Variants in HARBI1 observed in about 807,000 individuals in gnomAD.
The protein encoded by HARBI1 is putative nuclease HARBI1.
A neutral mutation model predicts 25.3 loss-of-function variants in HARBI1; 15 were observed. That is an observed-to-expected ratio of 0.59 (90% CI 0.40 to 0.91). The LOEUF (loss-of-function observed/expected upper bound fraction) is 0.91, where lower values mean the gene tolerates loss of function less well. HARBI1 is among the 40% of genes least tolerant of loss of function. The pLI, the probability that HARBI1 is intolerant of heterozygous loss-of-function variation, is 0.00. For missense variants in HARBI1, 396 were observed against 445.8 expected (o/e 0.89, Z 1.01); for synonymous variants, 168 against 160.5 (o/e 1.05, Z -0.35).
chr11:46,610,960 A>C (rs2045156083), intron 2 of HARBI1, among the ~76,000 whole-genome samples: 1 of 150,840 alleles, frequency 6.6e-6, no homozygotes, highest in Admixed American at 6.6e-5. Flanking sequence ...TATGTGCCTC[A>C]GTCTCCTCTT....
chr11:46,605,167 A>T (rs186367336), intron 2 of HARBI1, among the ~76,000 whole-genome samples: 56 of 152,320 alleles, frequency 3.7e-4, no homozygotes, highest in African/African-American at 1.2e-3. Context: ...CTGTTCAGAC[A>T]GTGGTAGGCA....
At chr11:46,612,030 G>C (rs995488944) in intron 2 of HARBI1, among the ~76,000 whole-genome samples, 5 of 152,172 alleles carry the variant, frequency 3.3e-5, no homozygotes. Flanking sequence ...ACCCATCAGT[G>C]TAGTCTTTGC....
chr11:46,603,745 C>A lies in HARBI1; in HGVS notation c.835G>T (p.Gly279Trp), dbSNP rs1389127944. 3 of 1,614,154 alleles carry A rather than the reference C, an allele frequency of 1.9e-6. No homozygotes were observed. In the South Asian group the frequency reaches 3.3e-5, roughly 18 times the overall value. ...TTCTCTGGTGAGTACTGCAGTGCCC[C>A]CTTGGATCCATCCAGGCAGCGGAAT... ...SRFRCLDGSKGALQYSPEKSS... is the reference protein window; with the variant it reads ...SRFRCLDGSKWALQYSPEKSS... Residue 279 changes from glycine (G) to tryptophan (W), a missense_variant, in exon 3 of 3, where the codon GGG becomes TGG. By Grantham distance (184) the Gly-to-Trp change is radical. Transcript: ENST00000326737.
intron 2 of HARBI1, among the ~76,000 whole-genome samples, chr11:46,613,486 T>C (rs1180914904): frequency 6.8e-6 from 1 of 147,982 alleles, no homozygotes. Context: ...TGGCTTTTTT[T>C]TTTTTTTTTT....
rs749013239 is a variant in HARBI1 at position 46,616,831 on chromosome 11, C to CAAAAAAAAAAAAA, written c.-145+280_-145+292dup. On this transcript the variant is annotated intron_variant, in intron 1 of 2. Coordinates refer to ENST00000326737, the MANE Select transcript of HARBI1 (RefSeq NM_173811.4). ...ACCAGTCTAACAAGAAAAGAAGGGG[C>CAAAAAAAAAAAAA]AAAAAAAAAAAAAAAAAAAAAAAAA... is the stretch of plus-strand genomic sequence containing the variant. The CAAAAAAAAAAAAA allele has an allele frequency of 7.2e-3, 4,350 of 604,082 alleles. 4 individuals carry two copies. Among genetic ancestry groups the CAAAAAAAAAAAAA allele is most frequent in the Non-Finnish European group, 7.3e-3 (3,980 of 545,394 alleles). The allele number at this position is 604,082 out of a possible 1,614,324, so 37.4% of individuals were successfully genotyped here. A position where few individuals can be genotyped will look rare whatever the true frequency, so the allele number is the denominator to read the frequency against.
In HARBI1 at chr11:46,612,954, G is replaced by A. The variant is rs994374922; in HGVS notation, c.670+2614C>T. Among the ~76,000 whole-genome samples the A allele has an allele frequency of 2.2e-5, 3 of 138,818 alleles. No individual in the cohort carries two copies. In the Admixed American group the frequency reaches 2.3e-4, roughly 11 times the overall value. The allele number at this position is 138,818 out of a possible 152,430, so 91.1% of individuals were successfully genotyped here. A position where few individuals can be genotyped will look rare whatever the true frequency, so the allele number is the denominator to read the frequency against. ...CCAAAAGTGCTGGGATTATAGGCAT[G>A]AGCCACCACACCCGGATTTTTTTTT... On this transcript the variant is annotated intron_variant, in intron 2 of 2. Transcript: ENST00000326737.
At chr11:46,616,896 A>G in intron 1 of HARBI1, 1 of 982,114 alleles carries the variant, frequency 1.0e-6, no homozygotes, top group Non-Finnish European at 1.2e-6. Context: ...TTATGGACGT[A>G]CACTGTGTGC....
chr11:46,617,655 A>G (rs1257875168), upstream of HARBI1: 1 of 338,964 alleles, frequency 3.0e-6, no homozygotes, highest in Non-Finnish European at 5.2e-6. Context: ...CCAGTGAGGG[A>G]AGCACTGAAG....
At position 46,603,551 on chromosome 11, in the gene HARBI1, T is replaced by C; in HGVS notation, c.1029A>G (p.Leu343=). ...TACATTAGCTAAAATGAGTGAGCAT[T>C]AGCTCCTGACGAATACGGTCAGCCT... is the stretch of plus-strand genomic sequence containing the variant. ...DLEADRIRQE[L]MLTHFS is the part of the protein sequence containing the mutation. The change falls in exon 3 of 3, where the codon CTA becomes CTG. Residue 343 remains leucine, a synonymous_variant. Coordinates refer to ENST00000326737, the MANE Select transcript of HARBI1 (RefSeq NM_173811.4). 1 of 1,601,504 alleles carries C rather than the reference T, an allele frequency of 6.2e-7. No individual in the cohort carries two copies. The highest frequency in any genetic ancestry group is 8.5e-7 in the Non-Finnish European group (1 of 1,172,372).
At position 46,615,664 on chromosome 11, in the gene HARBI1, T is replaced by C. The variant is rs1318302531; in HGVS notation, c.574A>G (p.Asn192Asp). The change falls in exon 2 of 3, where the codon AAC (asparagine) becomes GAC (aspartate). Residue 192 changes from asparagine to aspartate, a missense_variant. By Grantham distance (23) the Asn-to-Asp change is conservative (BLOSUM62 1). Coordinates refer to ENST00000326737, the MANE Select transcript of HARBI1 (RefSeq NM_173811.4). Reference sequence around the variant, plus strand: ...CAGTCCTGTAGGCTGCCGGGCCAGTTTGTCTCCACGGTCATTAGTGTCCCT... The same window carrying C: ...CAGTCCTGTAGGCTGCCGGGCCAGTCTGTCTCCACGGTCATTAGTGTCCCT... ...IRGTLMTVET[N>D]WPGSLQDCAV... 2 of 1,614,072 alleles carry C rather than the reference T, an allele frequency of 1.2e-6. No individual in the cohort carries two copies. Among genetic ancestry groups the C allele is most frequent in the African/African-American group, 2.7e-5 (2 of 74,916 alleles).
rs1292551933 is a variant in HARBI1 at position 46,616,175 on chromosome 11, T to C, written c.63A>G (p.Thr21=). The C allele has an allele frequency of 6.2e-7, 1 of 1,613,762 alleles. No homozygotes were observed. The highest frequency in any genetic ancestry group is 8.5e-7 in the Non-Finnish European group (1 of 1,180,036). Residue 21 remains threonine, a synonymous_variant, in exon 2 of 3, where the codon ACA becomes ACG. Coordinates refer to ENST00000326737, the MANE Select transcript of HARBI1 (RefSeq NM_173811.4). ...DLLLYGRGHR[T]LDRFKLDDVT... ...CATCATCCAGCTTAAAACGGTCCAA[T>C]GTCCGGTGACCACGGCCATATAGCA...
Position 46,616,258 on chromosome 11 carries a change from C to T in HARBI1, c.-21G>A. The stretch of plus-strand genomic sequence containing the variant: ...GCCATGGTAAATGTGAATGTTGGCT[C>T]TCCTCTTTGCTTTTTCTGAACTGTT... On this transcript the variant is annotated 5_prime_UTR_variant, in exon 2 of 3. Transcript: ENST00000326737. The T allele has an allele frequency of 1.3e-6, 2 of 1,585,582 alleles. No homozygotes were observed. Among genetic ancestry groups the T allele is most frequent in the Non-Finnish European group, 1.7e-6 (2 of 1,169,146 alleles).
chr11:46,614,975 C>T (rs1337895918), intron 2 of HARBI1, among the ~76,000 whole-genome samples: 5 of 152,106 alleles, frequency 3.3e-5, no homozygotes, highest in South Asian at 2.1e-4. Flanking sequence ...TGCACTGGCG[C>T]GATCTTGGCT....
chr11:46,616,956 G>GACTC (rs1370055844), intron 1 of HARBI1, 168 bp downstream of exon 1: 3 of 984,288 alleles, frequency 3.0e-6, no homozygotes, highest in Non-Finnish European at 3.6e-6. Flanking sequence ...TCGTGAACCT[G>GACTC]AGGGCCAGGA....
intron 2 of HARBI1, among the ~76,000 whole-genome samples, chr11:46,607,445 T>C (rs2044999193): frequency 6.6e-6 from 1 of 152,018 alleles, no homozygotes; most frequent in African/African-American, 2.4e-5. Context: ...AACAAGAGCA[T>C]AATAAAACAA....
chr11:46,604,713 G>A (rs961850244), intron 2 of HARBI1: 1 of 985,112 alleles, frequency 1.0e-6, no homozygotes, highest in African/African-American at 1.7e-5. Context: ...TTATGGCAGA[G>A]ATCAGAACTC....
rs749013239 is a variant in HARBI1 at position 46,616,831 on chromosome 11, C to CAAAAAAAAAA, written c.-145+283_-145+292dup. 9.6e-3 allele frequency: 5,778 copies of CAAAAAAAAAA among 603,674 alleles called. 11 individuals carry two copies. The highest frequency in any genetic ancestry group is 0.013 in the African/African-American group (196 of 14,854). 37.4% of individuals were successfully genotyped at this position (603,674 alleles called of 1,614,324 possible). ...ACCAGTCTAACAAGAAAAGAAGGGG[C>CAAAAAAAAAA]AAAAAAAAAAAAAAAAAAAAAAAAA... On this transcript the variant is annotated intron_variant, in intron 1 of 2. Transcript: ENST00000326737.
chr11:46,616,825 A>T, intron 1 of HARBI1: 2 of 704,776 alleles, frequency 2.8e-6, no homozygotes, highest in Non-Finnish European at 3.4e-6. Context: ...ACAAGAAAAG[A>T]AGGGGCAAAA....
chr11:46,616,193 A>G lies in HARBI1; in HGVS notation c.45T>C (p.Tyr15=), dbSNP rs754704432. Residue 15 remains tyrosine (Y), a synonymous_variant, in exon 2 of 3, where the codon TAT becomes TAC. Transcript: ENST00000326737. ...ITVLDCDLLL[Y]GRGHRTLDRF... ...GGTCCAATGTCCGGTGACCACGGCC[A>G]TATAGCAAGAGGTCACAGTCAAGCA... is the stretch of plus-strand genomic sequence containing the variant. 6.2e-7 allele frequency: 1 copy of G among 1,612,852 alleles called. No individual in the cohort carries two copies. The highest frequency in any genetic ancestry group is 2.2e-5 in the East Asian group (1 of 44,882).
Sources: gnomAD v4.1 joint callset for allele counts (sites outside exome capture counted in the v4.1 genomes callset) on GRCh38, gnomAD v4.1.1 for gene constraint, MANE v1.5 for transcripts, NCBI Gene and HGNC (gene_info 2026-07-23, HGNC 2026-07-21) for gene names.